Variants in HEATR5B observed in about 807,000 individuals in gnomAD.
HEATR5B encodes HEAT repeat containing 5B, also known as HEAT repeat-containing protein 5B.
In HEATR5B, 156 loss-of-function variants were observed where a neutral mutation model predicts 224.1. That is an observed-to-expected ratio of 0.70 (90% CI 0.61 to 0.80). The LOEUF is 0.80. Among genes scored for constraint, HEATR5B ranks in the 30% least tolerant of loss-of-function variants. HEATR5B has a pLI of 0.00. For synonymous variants in HEATR5B, 1,027 were observed against 893.0 expected, an observed-to-expected ratio of 1.15 and a Z score of -2.68; for missense variants, 2,323 against 2,535.5, an observed-to-expected ratio of 0.92 and a Z score of 1.80.
At chr2:37,080,191 A>T (rs1672469799) in intron 2 of HEATR5B, among the ~76,000 whole-genome samples, 1 of 152,218 alleles carries the variant, frequency 6.6e-6, no homozygotes, top group Admixed American at 6.5e-5. Flanking sequence ...TCAGAAGGAT[A>T]GAAGGGACCA....
chr2:36,993,561 A>G (rs969318590), intron 33 of HEATR5B, among the ~76,000 whole-genome samples: 1 of 152,024 alleles, frequency 6.6e-6, no homozygotes, highest in African/African-American at 2.4e-5. Flanking sequence ...AAAAAAAGAA[A>G]GAAAGTTTGA....
Position 36,988,284 on chromosome 2 carries a change from G to C in HEATR5B, c.5911+362C>G, listed in dbSNP as rs1187399217. ...TTTTTTTCTTTTCTTTTTTTTTTGA[G>C]ATGGAGTCTCGCTCTGTTGCCAGGC... On this transcript the variant is annotated intron_variant, in intron 35 of 35. Transcript: ENST00000233099. Among the ~76,000 whole-genome samples the C allele has an allele frequency of 2.0e-5, 3 of 149,756 alleles. No individual in the cohort carries two copies. In the East Asian group the frequency reaches 5.9e-4, roughly 29 times the overall value.
chr2:37,056,447 T>C lies in HEATR5B; in HGVS notation c.2392A>G (p.Lys798Glu). 6.3e-7 allele frequency: 1 copy of C among 1,597,550 alleles called. No homozygotes were observed. Among genetic ancestry groups the C allele is most frequent in the Non-Finnish European group, 8.5e-7 (1 of 1,174,900 alleles). The change falls in exon 16 of 36, where the codon AAA becomes GAA. Residue 798 changes from lysine to glutamate, a missense_variant. Physicochemically the swap from Lys to Glu is moderately conservative, Grantham distance 56 (BLOSUM62 1). This residue lies in a region of HEATR5B where 170 missense variants were observed against 216.7 expected (regional missense o/e 0.78). Transcript: ENST00000233099. Reference protein sequence around the residue: ...FGVVFPHVSYKHRLQMLDHFA... With the variant: ...FGVVFPHVSYEHRLQMLDHFA... ...GATTGACTTTATACTAACCGGTGTT[T>C]ATAAGAAACATGAGGAAACACTACA... is the stretch of plus-strand genomic sequence containing the variant.
chr2:37,052,119 T>C (rs1350073012), intron 17 of HEATR5B, among the ~76,000 whole-genome samples: 2 of 152,236 alleles, frequency 1.3e-5, no homozygotes, highest in Admixed American at 1.3e-4. Context: ...AAGCATGACC[T>C]AAGACATGTT....
At chr2:37,051,354 CAAAAAAAAAAAA>C (rs11313174) in intron 17 of HEATR5B, among the ~76,000 whole-genome samples, 4 of 66,042 alleles carry the variant, frequency 6.1e-5, no homozygotes, top group African/African-American at 1.7e-4. Flanking sequence ...AACTCCATCT[CAAAAAAAAAAAA>C]AAAAAAAAAA....
intron 29 of HEATR5B, among the ~76,000 whole-genome samples, chr2:37,006,578 T>C (rs901514710): frequency 6.6e-6 from 1 of 152,070 alleles, no homozygotes; most frequent in Non-Finnish European, 1.5e-5. Context: ...GAGGCGGAGG[T>C]TGCGGTGAAC....
At chr2:36,996,602 T>TA (rs1450475689) in intron 33 of HEATR5B, among the ~76,000 whole-genome samples, 2 of 151,416 alleles carry the variant, frequency 1.3e-5, no homozygotes, top group Non-Finnish European at 2.9e-5. Context: ...TATATATATA[T>TA]TTTTTTGAGA....
At chr2:37,060,034 G>C (rs150778839) in intron 12 of HEATR5B, among the ~76,000 whole-genome samples, 26 of 152,212 alleles carry the variant, frequency 1.7e-4, no homozygotes, top group Middle Eastern at 3.4e-3. Flanking sequence ...TGTCATTCTA[G>C]TTATCAAACG....
rs374730996 is a variant in HEATR5B, at chr2:37,005,779, A to G, written c.4778-20T>C. 1.0e-4 allele frequency: 160 copies of G among 1,545,406 alleles called. 1 individual carries two copies. The highest frequency in any genetic ancestry group is 5.2e-4 in the Middle Eastern group (3 of 5,752). On this transcript the variant is annotated intron_variant, in intron 29 of 35. Transcript: ENST00000233099. ...TCACACCTGAAATGCACAAAATAAA[A>G]ACATGTTTTTTCACTTATAAAACAC...
chr2:37,020,991 C>A (rs1668424848), intron 24 of HEATR5B, among the ~76,000 whole-genome samples, 155 bp from the exon 25 acceptor site: 1 of 152,170 alleles, frequency 6.6e-6, no homozygotes, highest in African/African-American at 2.4e-5. Flanking sequence ...TTCAAGACAA[C>A]TTCCATATCA....
Position 37,003,574 on chromosome 2 carries a change from T to C in HEATR5B, c.5018A>G (p.Gln1673Arg). 1 of 1,610,994 alleles carries C rather than the reference T, an allele frequency of 6.2e-7. No individual in the cohort carries two copies. Among genetic ancestry groups the C allele is most frequent in the Non-Finnish European group, 8.5e-7 (1 of 1,177,864 alleles). The change falls in exon 31 of 36, where the codon CAG (glutamine) becomes CGG (arginine). Residue 1673 changes from glutamine (Q) to arginine (R), a missense_variant. Physicochemically the swap from Gln to Arg is conservative, Grantham distance 43. This residue lies in a region of HEATR5B where 844 missense variants were observed against 812.9 expected (regional missense o/e 1.04). Coordinates refer to ENST00000233099, the MANE Select transcript of HEATR5B (RefSeq NM_019024.3). ...GVVQQIVRAA[Q>R]DYLQEKRNTL... Reference sequence around the variant, plus strand: ...GTTTCTTTTCTCTTGCAAATAATCCTGAGCAGCTCTTACTATCTGTTGTAC... The same window carrying C: ...GTTTCTTTTCTCTTGCAAATAATCCCGAGCAGCTCTTACTATCTGTTGTAC...
At chr2:37,034,218 G>C (rs1669324589) in intron 21 of HEATR5B, among the ~76,000 whole-genome samples, 2 of 150,878 alleles carry the variant, frequency 1.3e-5, no homozygotes, top group Admixed American at 1.3e-4. Context: ...GTGTTAGTCA[G>C]GATGGTCTCC....
chr2:37,055,121 C>A, intron 16 of HEATR5B: 1 of 402,158 alleles, frequency 2.5e-6, no homozygotes, highest in Admixed American at 2.7e-5. Context: ...TATTAAGCCG[C>A]ACAGCCTGCT....
At chr2:37,076,804 TA>T in intron 4 of HEATR5B, 106 bp downstream of exon 4, 1 of 762,298 alleles carries the variant, frequency 1.3e-6, no homozygotes, top group Non-Finnish European at 2.2e-6. Context: ...ACCTCCTTGC[TA>T]AGCAATATGA....
At chr2:37,058,771 A>T in intron 13 of HEATR5B, 117 bp downstream of exon 13, 1 of 724,212 alleles carries the variant, frequency 1.4e-6, no homozygotes, top group Non-Finnish European at 2.3e-6. Flanking sequence ...AAGTTATATT[A>T]CAAAAATAAA....
Position 37,002,423 on chromosome 2 carries a change from C to T in HEATR5B, c.5200G>A (p.Val1734Met), listed in dbSNP as rs139897341. The T allele has an allele frequency of 1.9e-6, 3 of 1,614,080 alleles. No individual in the cohort carries two copies. The African/African-American group carries it at 4.0e-5, about 22-fold the overall frequency. ...VRHMPHLSTK[V>M]SDSPSHIATK... is the part of the protein sequence containing the mutation. ...GCTATGTGACTTGGAGAGTCTGACA[C>T]CTTGGTACTGAGATGTGGCATATGC... Residue 1734 changes from valine to methionine, a missense_variant, in exon 32 of 36, where the codon GTG becomes ATG. Physicochemically the swap from Val to Met is conservative, Grantham distance 21. This residue lies in a region of HEATR5B where 844 missense variants were observed against 812.9 expected (regional missense o/e 1.04). Coordinates refer to ENST00000233099, the MANE Select transcript of HEATR5B (RefSeq NM_019024.3).
intron 2 of HEATR5B, among the ~76,000 whole-genome samples, chr2:37,080,733 A>C (rs774226911): frequency 3.4e-4 from 51 of 152,104 alleles, no homozygotes; most frequent in Admixed American, 7.2e-4. Context: ...TGATAGTAAA[A>C]ATCATACAAT....
chr2:37,037,997 C>T lies in HEATR5B; in HGVS notation c.3074G>A (p.Arg1025His), dbSNP rs757387757. The stretch of plus-strand genomic sequence containing the variant: ...TGCACAACCCACCAAACAAGAGGAA[C>T]GAATTGTAGAAGTTGTTGCTCCATT... ...QGNGATTSTI[R>H]SSCLVGCAIT... is the part of the protein sequence containing the mutation. The change falls in exon 21 of 36, where the codon CGT becomes CAT. Residue 1025 changes from arginine (R) to histidine (H), a missense_variant. Arg to His is a conservative substitution (Grantham distance 29, BLOSUM62 0). Transcript: ENST00000233099. 6.4e-6 allele frequency: 10 copies of T among 1,566,930 alleles called. No individual in the cohort carries two copies. The highest frequency in any genetic ancestry group is 2.3e-5 in the East Asian group (1 of 43,502).
At chr2:37,076,850 T>C (rs1372906490) in intron 4 of HEATR5B, 61 bp downstream of exon 4, 2 of 1,236,046 alleles carry the variant, frequency 1.6e-6, no homozygotes, top group Non-Finnish European at 2.4e-6. Flanking sequence ...AAACATATTT[T>C]AGCTGACATC....
Sources: gnomAD v4.1 joint callset for allele counts (sites outside exome capture counted in the v4.1 genomes callset) on GRCh38, gnomAD v4.1.1 for gene constraint, gnomAD v4.1.1 regional missense constraint, MANE v1.5 for transcripts, NCBI Gene and HGNC (gene_info 2026-07-23, HGNC 2026-07-21) for gene names.